The following ATXN7 variants were observed in gnomAD, a reference collection of about 807,000 sequenced individuals.
ATXN7 encodes ataxin 7, also known as ataxin-7.
Under a neutral mutation model 70.5 loss-of-function variants are expected in ATXN7, and 12 were observed. The observed-to-expected ratio is 0.17, with a 90% confidence interval of 0.11 to 0.28. ATXN7 has a LOEUF of 0.28. Ranked by LOEUF, ATXN7 falls within the 10% of genes least tolerant of loss-of-function variation. ATXN7 has a pLI of 1.00. For synonymous variants in ATXN7, 498 were observed against 448.7 expected (o/e 1.11, Z -1.39); for missense variants, 1,256 against 1,131.7 (o/e 1.11, Z -1.58).
At chr3:63,911,309 C>T (rs936274606) in intron 2 of ATXN7, among the ~76,000 whole-genome samples, 5 of 152,164 alleles carry the variant, frequency 3.3e-5, no homozygotes, top group Admixed American at 2.0e-4. Flanking sequence ...ATTTTGCCAT[C>T]TGTAGCCTAT....
At chr3:63,913,291 G>T in intron 4 of ATXN7, 66 bp downstream of exon 4, 1 of 1,494,438 alleles carries the variant, frequency 6.7e-7, no homozygotes, top group South Asian at 1.1e-5. Context: ...AGTTCACTGG[G>T]ACCGGGAACA....
chr3:63,998,358 GTA>G (rs923539789), intron 12 of ATXN7: 13 of 983,836 alleles, frequency 1.3e-5, no homozygotes, highest in South Asian at 4.7e-5. Context: ...ATGTGTGTGT[GTA>G]TATATATATG....
intron 2 of ATXN7, among the ~76,000 whole-genome samples, chr3:63,910,254 C>T (rs1703965555): frequency 6.6e-6 from 1 of 152,176 alleles, no homozygotes; most frequent in Admixed American, 6.5e-5. Flanking sequence ...GACCATACTT[C>T]ATGTTTGCCA....
At chr3:63,986,244 A>G (rs1018245134) in intron 8 of ATXN7, among the ~76,000 whole-genome samples, 2 of 152,228 alleles carry the variant, frequency 1.3e-5, no homozygotes, top group Admixed American at 6.5e-5. Context: ...AGCAGGGAGC[A>G]GTAAGCAAGG....
At chr3:63,916,494 T>A (rs1457763855) in intron 4 of ATXN7, among the ~76,000 whole-genome samples, 1 of 152,238 alleles carries the variant, frequency 6.6e-6, no homozygotes, top group East Asian at 1.9e-4. Flanking sequence ...CACTTTTTCC[T>A]CTTGTAACAC....
chr3:63,981,768 G>A (rs1035337981), intron 6 of ATXN7, among the ~76,000 whole-genome samples: 2 of 152,304 alleles, frequency 1.3e-5, no homozygotes, highest in East Asian at 1.9e-4. Context: ...TCACTCAGAA[G>A]TTTACTTTGT....
chr3:63,886,504 C>G (rs1294044658), intron 1 of ATXN7, among the ~76,000 whole-genome samples: 1 of 152,148 alleles, frequency 6.6e-6, no homozygotes, highest in Non-Finnish European at 1.5e-5. Context: ...ACAATTTTGT[C>G]ACTCATGCCT....
At chr3:63,905,787 T>G (rs1298803394) in intron 2 of ATXN7, 1 of 152,206 alleles carries the variant, frequency 6.6e-6, no homozygotes, top group African/African-American at 2.4e-5. Flanking sequence ...TAGTAGGAAG[T>G]GGACAGAGGA....
At chr3:63,958,327 A>C (rs1174403219) in intron 5 of ATXN7, among the ~76,000 whole-genome samples, 1 of 152,226 alleles carries the variant, frequency 6.6e-6, no homozygotes, top group African/African-American at 2.4e-5. Flanking sequence ...TTATATATTC[A>C]TATGAGAAAT....
chr3:63,927,617 A>G (rs775300426), intron 4 of ATXN7, among the ~76,000 whole-genome samples: 1 of 152,230 alleles, frequency 6.6e-6, no homozygotes, highest in Non-Finnish European at 1.5e-5. Flanking sequence ...AATAGCTGGT[A>G]TATACAAATA....
At chr3:63,981,245 C>T (rs1316870774) in intron 6 of ATXN7, among the ~76,000 whole-genome samples, 1 of 152,198 alleles carries the variant, frequency 6.6e-6, no homozygotes, top group African/African-American at 2.4e-5. Context: ...GCTGTTTGTC[C>T]TGGTTGCTAA....
At chr3:63,887,091 C>G (rs888077284) in intron 1 of ATXN7, among the ~76,000 whole-genome samples, 10 of 152,172 alleles carry the variant, frequency 6.6e-5, no homozygotes, top group Admixed American at 3.9e-4. Context: ...AAGGAGCGAA[C>G]AGGAAGGTAT....
chr3:63,885,519 A>T (rs67944903), intron 1 of ATXN7, among the ~76,000 whole-genome samples: 25,914 of 152,180 alleles, frequency 0.17, 2,275 homozygotes, highest in Middle Eastern at 0.22. Context: ...ACAGCCATTA[A>T]GAAAAACAGT....
At position 63,979,924 on chromosome 3, in the gene ATXN7, A is replaced by G; in HGVS notation, c.509A>G (p.His170Arg). Reference protein sequence around the residue: ...QAFQSHYERRHSSSSKPPLAV... With the variant: ...QAFQSHYERRRSSSSKPPLAV... ...TTGCTTTCGTTTTCAGAAAGAAGACATAGCTCATCCAGCAAGCCGCCTTTG... is the reference window on the plus strand; with the variant it reads ...TTGCTTTCGTTTTCAGAAAGAAGACGTAGCTCATCCAGCAAGCCGCCTTTG... The change falls in exon 6 of 13, where the codon CAT becomes CGT. Residue 170 changes from histidine (H) to arginine (R), a missense_variant. By Grantham distance (29) the His-to-Arg change is conservative. Coordinates refer to ENST00000674280, the MANE Select transcript of ATXN7 (RefSeq NM_001377405.1). 6.2e-7 allele frequency: 1 copy of G among 1,614,178 alleles called. No homozygotes were observed. Among genetic ancestry groups the G allele is most frequent in the Non-Finnish European group, 8.5e-7 (1 of 1,180,006 alleles).
chr3:63,982,136 G>C, intron 6 of ATXN7, 50 bp from the exon 7 acceptor site: 1 of 1,610,944 alleles, frequency 6.2e-7, no homozygotes. Flanking sequence ...ATTCACCTGG[G>C]GGCTGCTGAG....
rs1018351140 is a variant in ATXN7, at chr3:64,002,110, C to T, written c.*2643C>T. On this transcript the variant is annotated 3_prime_UTR_variant, in exon 13 of 13. Transcript: ENST00000674280. ...TTCTATTATAAATATGGAAGTATCC[C>T]TATTTCAGAAGACATATTTTGTTAA... is the stretch of plus-strand genomic sequence containing the variant. 2.7e-4 allele frequency: 41 copies of T among 151,892 alleles called. No individual in the cohort carries two copies. The highest frequency in any genetic ancestry group is 1.0e-3 in the African/African-American group (41 of 41,178). The allele number at this position is 151,892 out of a possible 1,614,324, so 9.4% of individuals were successfully genotyped here.
At chr3:63,883,448 C>G (rs1027782235) in intron 1 of ATXN7, among the ~76,000 whole-genome samples, 1 of 152,058 alleles carries the variant, frequency 6.6e-6, no homozygotes, top group African/African-American at 2.4e-5. Flanking sequence ...TTAGTTATCT[C>G]TAGAAATCTG....
chr3:63,982,545 C>G (rs2075506470), intron 7 of ATXN7, 100 bp downstream of exon 7: 1 of 1,097,108 alleles, frequency 9.1e-7, no homozygotes, highest in African/African-American at 1.6e-5. Flanking sequence ...ATTTTTAAAA[C>G]TGGTCAACTT....
intron 5 of ATXN7, 66 bp downstream of exon 5, chr3:63,952,549 G>T (rs557737563): frequency 1.7e-6 from 2 of 1,147,504 alleles, no homozygotes; most frequent in South Asian, 1.6e-5. Flanking sequence ...TTAAACTAAG[G>T]AACAGTGATG....
Sources: allele counts gnomAD v4.1 joint callset (sites outside exome capture counted in the v4.1 genomes callset), GRCh38; gene constraint gnomAD v4.1.1; transcripts MANE v1.5; gene names NCBI Gene and HGNC (gene_info 2026-07-23, HGNC 2026-07-21).